Variants in NUFIP1 observed in about 807,000 individuals in gnomAD.
The protein encoded by NUFIP1 is nuclear FMR1 interacting protein 1, also known as FMR1-interacting protein NUFIP1.
A neutral mutation model predicts 56.2 loss-of-function variants in NUFIP1; 38 were observed. The observed-to-expected ratio is 0.68, with a 90% CI of 0.52 to 0.89. The LOEUF (loss-of-function observed/expected upper bound fraction) is 0.89. Ranked by LOEUF, NUFIP1 falls within the 40% of genes least tolerant of loss-of-function variation. NUFIP1 has a pLI of 0.00. For missense variants in NUFIP1, 567 were observed against 605.8 expected (o/e 0.94, Z 0.67); for synonymous variants, 215 against 212.4 (o/e 1.01, Z -0.10).
At chr13:44,978,727 C>G (rs890686805) in intron 5 of NUFIP1, among the ~76,000 whole-genome samples, 8 of 152,218 alleles carry the variant, frequency 5.3e-5, no homozygotes, top group Admixed American at 2.0e-4. Context: ...GGGATGAAAA[C>G]AAGAAGAACT....
At chr13:44,946,289 C>T (rs773268173) in intron 8 of NUFIP1, among the ~76,000 whole-genome samples, 1 of 152,030 alleles carries the variant, frequency 6.6e-6, no homozygotes, top group African/African-American at 2.4e-5. Flanking sequence ...GTAATGTTCA[C>T]CAATTAAATT....
chr13:44,952,852 C>G (rs1160657535), intron 7 of NUFIP1, among the ~76,000 whole-genome samples: 2 of 152,216 alleles, frequency 1.3e-5, no homozygotes, highest in Non-Finnish European at 2.9e-5. Context: ...CCTTAATCTT[C>G]TTTAAATCTG....
intron 5 of NUFIP1, among the ~76,000 whole-genome samples, chr13:44,978,773 T>G (rs1271380701): frequency 6.6e-6 from 1 of 152,190 alleles, no homozygotes; most frequent in Non-Finnish European, 1.5e-5. Flanking sequence ...TCAAACTCCT[T>G]TGAGCAGCAG....
intron 8 of NUFIP1, among the ~76,000 whole-genome samples, chr13:44,944,028 T>G (rs976011173): frequency 3.0e-4 from 45 of 152,144 alleles, no homozygotes; most frequent in African/African-American, 1.1e-3. Context: ...ATTGGCAAAA[T>G]TTTAAAACTA....
chr13:44,958,541 C>G (rs1259483955), intron 7 of NUFIP1, among the ~76,000 whole-genome samples: 1 of 152,170 alleles, frequency 6.6e-6, no homozygotes, highest in African/African-American at 2.4e-5. Flanking sequence ...GTTATCCTCT[C>G]TTTTCTTGCC....
At chr13:44,986,123 A>G (rs1872380843) in intron 1 of NUFIP1, among the ~76,000 whole-genome samples, 1 of 152,176 alleles carries the variant, frequency 6.6e-6, no homozygotes, top group Non-Finnish European at 1.5e-5. Flanking sequence ...GTCTGGATGA[A>G]AAGTTCTTGA....
intron 7 of NUFIP1, among the ~76,000 whole-genome samples, chr13:44,958,187 C>T (rs1308938941): frequency 6.6e-6 from 1 of 152,114 alleles, no homozygotes; most frequent in East Asian, 1.9e-4. Context: ...GAGTGAGACT[C>T]ATATGTTCAA....
chr13:44,962,563 G>A (rs1159134992), intron 6 of NUFIP1, among the ~76,000 whole-genome samples: 1 of 152,152 alleles, frequency 6.6e-6, no homozygotes, highest in East Asian at 1.9e-4. Flanking sequence ...GATTATAGCA[G>A]AGCTAAATAA....
intron 8 of NUFIP1, among the ~76,000 whole-genome samples, chr13:44,946,483 A>C (rs1409205884): frequency 2.0e-5 from 3 of 152,200 alleles, no homozygotes; most frequent in Non-Finnish European, 4.4e-5. Flanking sequence ...CTAAAATGCT[A>C]ACATGCAGAA....
At position 44,941,188 on chromosome 13, in the gene NUFIP1, T is replaced by C; in HGVS notation, c.*18A>G. On this transcript the variant is annotated 3_prime_UTR_variant, in exon 10 of 10. Transcript: ENST00000379161. ...CTGTTTCACATGCTTCAGTTATGTA[T>C]GCTGAAACACCAGATGCCTATACAT... 1 of 1,265,064 alleles carries C rather than the reference T, an allele frequency of 7.9e-7. No homozygotes were observed. Among genetic ancestry groups the C allele is most frequent in the Non-Finnish European group, 1.1e-6 (1 of 874,080 alleles). 78.4% of individuals were successfully genotyped at this position (1,265,064 alleles called of 1,614,324 possible).
chr13:44,954,802 G>A (rs1007943734), intron 7 of NUFIP1, among the ~76,000 whole-genome samples: 2 of 152,190 alleles, frequency 1.3e-5, no homozygotes, highest in Admixed American at 1.3e-4. Flanking sequence ...TTACCAGTGG[G>A]TATCCATGAC....
At chr13:44,962,936 TA>T (rs1871472833) in intron 6 of NUFIP1, among the ~76,000 whole-genome samples, 1 of 152,176 alleles carries the variant, frequency 6.6e-6, no homozygotes, top group South Asian at 2.1e-4. Context: ...AGGTGTGTAG[TA>T]GGCTGTATTA....
At chr13:44,970,940 G>T (rs1175394) in intron 5 of NUFIP1, among the ~76,000 whole-genome samples, 145,182 of 152,296 alleles carry the variant, frequency 0.95, 69,296 homozygotes, top group East Asian at 1. Flanking sequence ...CCTCCCAAAG[G>T]GCTGGGATTA....
chr13:44,963,608 G>A (rs527443147), intron 6 of NUFIP1, among the ~76,000 whole-genome samples: 19 of 152,078 alleles, frequency 1.2e-4, no homozygotes, highest in East Asian at 5.8e-4. Flanking sequence ...ACATTTTATC[G>A]AACTGTTTTC....
At position 44,943,481 on chromosome 13, in the gene NUFIP1, T is replaced by A. The variant is rs115325365; in HGVS notation, c.1332A>T (p.Leu444Phe). The part of the protein sequence containing the change: ...RKKDYHNYQT[L>F]FEPRTHHPYL... ...ATGGATGGTGTGTTCTTGGTTCGAA[T>A]AACGTTTGATAGTTGTGATAATCTT... The change falls in exon 9 of 10, where the codon TTA (leucine) becomes TTT (phenylalanine). Residue 444 changes from leucine (L) to phenylalanine (F), a missense_variant. Leu to Phe is a conservative substitution (Grantham distance 22). Transcript: ENST00000379161. 4.3e-5 allele frequency: 69 copies of A among 1,614,146 alleles called. No homozygotes were observed. Among genetic ancestry groups the A allele is most frequent in the Non-Finnish European group, 2.3e-5 (27 of 1,179,998 alleles).
intron 5 of NUFIP1, among the ~76,000 whole-genome samples, chr13:44,967,498 ACT>A (rs1395584811): frequency 2.6e-5 from 4 of 151,644 alleles, no homozygotes; most frequent in Admixed American, 1.3e-4. Flanking sequence ...ACACAGAAAG[ACT>A]CTGTCTCACA....
At chr13:44,951,609 T>C (rs1036853629) in intron 7 of NUFIP1, among the ~76,000 whole-genome samples, 2 of 152,212 alleles carry the variant, frequency 1.3e-5, no homozygotes, top group African/African-American at 2.4e-5. Flanking sequence ...CTCCCTTTTA[T>C]AGTAAAACTC....
At chr13:44,971,441 A>G (rs1440984592) in intron 5 of NUFIP1, among the ~76,000 whole-genome samples, 1 of 152,132 alleles carries the variant, frequency 6.6e-6, no homozygotes, top group Non-Finnish European at 1.5e-5. Context: ...TCCTACATAA[A>G]AAGAGCCACC....
At chr13:44,984,103 C>T (rs538244154) in intron 1 of NUFIP1, among the ~76,000 whole-genome samples, 1 of 152,276 alleles carries the variant, frequency 6.6e-6, no homozygotes, top group East Asian at 1.9e-4. Flanking sequence ...CACACCAGAA[C>T]CCTGCAATCT....
Sources: gnomAD v4.1 joint callset for allele counts (sites outside exome capture counted in the v4.1 genomes callset) on GRCh38, gnomAD v4.1.1 for gene constraint, MANE v1.5 for transcripts, NCBI Gene and HGNC (gene_info 2026-07-23, HGNC 2026-07-21) for gene names.